The following SLC4A7 variants were observed in gnomAD, a reference collection of about 807,000 sequenced individuals.
SLC4A7 encodes the protein solute carrier family 4 member 7, also known as sodium bicarbonate cotransporter 3.
A neutral mutation model predicts 137.6 loss-of-function variants in SLC4A7; 51 were observed. That is an observed-to-expected ratio of 0.37 (90% CI 0.30 to 0.47). SLC4A7 has a LOEUF of 0.47. SLC4A7 is among the 20% of genes least tolerant of loss of function. SLC4A7 has a pLI of 1.00. For missense variants in SLC4A7, 1,247 were observed against 1,525.4 expected (o/e 0.82, Z 3.04); for synonymous variants, 542 against 518.6 (o/e 1.05, Z -0.61).
intron 1 of SLC4A7, among the ~76,000 whole-genome samples, chr3:27,476,866 T>A (rs1402484778): frequency 6.6e-6 from 1 of 152,196 alleles, no homozygotes; most frequent in African/African-American, 2.4e-5. Flanking sequence ...AACAGACTAA[T>A]ACATCATCCT....
chr3:27,415,742 T>A (rs577420414), intron 11 of SLC4A7, among the ~76,000 whole-genome samples: 37 of 152,360 alleles, frequency 2.4e-4, no homozygotes, highest in African/African-American at 8.4e-4. Context: ...TATGTTGTCG[T>A]AAAATGACTG....
At chr3:27,445,389 G>A (rs2150485273) in intron 3 of SLC4A7, among the ~76,000 whole-genome samples, 1 of 152,120 alleles carries the variant, frequency 6.6e-6, no homozygotes, top group East Asian at 1.9e-4. Context: ...GCTGTGGCCT[G>A]GAAACTGTCT....
At chr3:27,483,686 C>A (rs1335962163) in intron 1 of SLC4A7, among the ~76,000 whole-genome samples, 4 of 152,330 alleles carry the variant, frequency 2.6e-5, no homozygotes, top group East Asian at 1.9e-4. Context: ...TGCGCCAAGG[C>A]AACCGGAACC....
At chr3:27,447,566 AT>A (rs1490348446) in intron 3 of SLC4A7, among the ~76,000 whole-genome samples, 3 of 150,398 alleles carry the variant, frequency 2.0e-5, no homozygotes. Flanking sequence ...TGATGTACAG[AT>A]GGCCTTATAC....
intron 20 of SLC4A7, among the ~76,000 whole-genome samples, chr3:27,392,331 T>A (rs899246305): frequency 6.6e-6 from 1 of 152,242 alleles, no homozygotes; most frequent in South Asian, 2.1e-4. Context: ...TTCACACCTA[T>A]TCATCCTGCA....
intron 11 of SLC4A7, among the ~76,000 whole-genome samples, chr3:27,417,407 CAAA>C (rs1312090891): frequency 1.3e-5 from 2 of 151,984 alleles, no homozygotes; most frequent in Non-Finnish European, 2.9e-5. Flanking sequence ...GGGCAATGAA[CAAA>C]AGATAATCAG....
chr3:27,387,331 A>G (rs1340819536), intron 22 of SLC4A7, among the ~76,000 whole-genome samples: 1 of 152,194 alleles, frequency 6.6e-6, no homozygotes, highest in Non-Finnish European at 1.5e-5. Flanking sequence ...ACAGTTTGAT[A>G]CTTTTGACAA....
intron 20 of SLC4A7, among the ~76,000 whole-genome samples, chr3:27,394,156 C>T (rs919193397): frequency 6.7e-6 from 1 of 149,208 alleles, no homozygotes; most frequent in African/African-American, 2.5e-5. Flanking sequence ...GCAGCTGGCA[C>T]CACGGGAGCA....
At position 27,420,799 on chromosome 3, in the gene SLC4A7, T is replaced by G; in HGVS notation, c.1425-12A>C. 2 of 1,579,966 alleles carry G rather than the reference T, an allele frequency of 1.3e-6. No homozygotes were observed. The highest frequency in any genetic ancestry group is 8.7e-7 in the Non-Finnish European group (1 of 1,149,894). On this transcript the variant is annotated splice_polypyrimidine_tract_variant and intron_variant, in intron 9 of 25. Transcript: ENST00000454389. The stretch of plus-strand genomic sequence containing the variant: ...ACAAAAACAAAAACCTAAGGAAATA[T>G]GAAAATACAGATTTTAAAATAAACA...
At chr3:27,386,443 A>G (rs995140365) in intron 22 of SLC4A7, among the ~76,000 whole-genome samples, 1 of 152,098 alleles carries the variant, frequency 6.6e-6, no homozygotes, top group Non-Finnish European at 1.5e-5. Context: ...TTTCAATCAT[A>G]TGGGAGAAAT....
intron 7 of SLC4A7, among the ~76,000 whole-genome samples, chr3:27,430,760 G>A (rs1342645252): frequency 6.6e-6 from 1 of 151,548 alleles, no homozygotes; most frequent in Non-Finnish European, 1.5e-5. Flanking sequence ...TGAACCCAGG[G>A]AGCAGAGGCT....
At chr3:27,395,622 G>A (rs2052074134) in intron 18 of SLC4A7, among the ~76,000 whole-genome samples, 1 of 152,120 alleles carries the variant, frequency 6.6e-6, no homozygotes, top group Non-Finnish European at 1.5e-5. Context: ...TCTGAGCTGA[G>A]GCCTCAGACA....
At chr3:27,479,578 A>T (rs935635403) in intron 1 of SLC4A7, among the ~76,000 whole-genome samples, 1 of 152,216 alleles carries the variant, frequency 6.6e-6, no homozygotes, top group African/African-American at 2.4e-5. Flanking sequence ...AACACTGCCA[A>T]ACACTACCAT....
At chr3:27,416,990 C>T (rs940042336) in intron 11 of SLC4A7, among the ~76,000 whole-genome samples, 3 of 152,056 alleles carry the variant, frequency 2.0e-5, no homozygotes, top group African/African-American at 7.2e-5. Context: ...ATTTTAAAGC[C>T]TACACAGAAA....
At chr3:27,407,115 T>C (rs1260527972) in intron 13 of SLC4A7, among the ~76,000 whole-genome samples, 1 of 151,384 alleles carries the variant, frequency 6.6e-6, no homozygotes, top group African/African-American at 2.4e-5. Flanking sequence ...AAGACCTTTT[T>C]TTTTTTTTTT....
intron 1 of SLC4A7, among the ~76,000 whole-genome samples, chr3:27,460,024 CAT>C (rs201915636): frequency 5.4e-5 from 8 of 147,532 alleles, no homozygotes; most frequent in East Asian, 3.9e-4. Context: ...TATATATACA[CAT>C]ATATATATAT....
chr3:27,383,335 G>C, intron 23 of SLC4A7, 85 bp from the exon 24 acceptor site: 8 of 953,738 alleles, frequency 8.4e-6, no homozygotes, highest in Non-Finnish European at 1.3e-5. Flanking sequence ...TACAGACTTA[G>C]AAACCCAAAC....
rs185006027 is a variant in SLC4A7, at chr3:27,469,038, C to G, written c.60+15029G>C. On this transcript the variant is annotated intron_variant, in intron 1 of 25. Coordinates refer to ENST00000454389, the MANE Select transcript of SLC4A7 (RefSeq NM_001321103.2). ...AGGAGAATTGCTTGAACCCAGGAAG[C>G]GGAGGTTGCAGTGAGCTGATTTTGC... Among the ~76,000 whole-genome samples, 10 of 151,802 alleles carry G rather than the reference C, an allele frequency of 6.6e-5. No homozygotes were observed. In the East Asian group the frequency reaches 1.9e-3, roughly 29 times the overall value.
At chr3:27,474,952 A>G (rs2059403733) in intron 1 of SLC4A7, among the ~76,000 whole-genome samples, 1 of 151,414 alleles carries the variant, frequency 6.6e-6, no homozygotes, top group African/African-American at 2.4e-5. Context: ...TACTACAAAC[A>G]CAAAAAAATT....
Sources: allele counts gnomAD v4.1 joint callset (sites outside exome capture counted in the v4.1 genomes callset), GRCh38; gene constraint gnomAD v4.1.1; transcripts MANE v1.5; gene names NCBI Gene and HGNC (gene_info 2026-07-23, HGNC 2026-07-21).